Variants in ID4 observed in about 807,000 individuals in gnomAD.
ID4 encodes DNA-binding protein inhibitor ID-4.
ID4 carries 9 observed loss-of-function variants against 8.6 expected under a neutral mutation model. The observed-to-expected ratio is 1.04, with a 90% CI of 0.63 to 1.82. ID4 has a LOEUF of 1.82. ID4 is among the 40% of genes most tolerant of loss of function. ID4 has a pLI of 0.00. For missense variants in ID4, 270 were observed against 235.1 expected (o/e 1.15, Z -0.97); for synonymous variants, 180 against 118.0 (o/e 1.53, Z -3.41).
At chr6:19,838,535 G>C (rs757719263) in intron 1 of ID4, 49 bp from the exon 2 acceptor site, 1 of 1,613,042 alleles carries the variant, frequency 6.2e-7, no homozygotes, top group African/African-American at 1.3e-5. Flanking sequence ...TGTCGAGCGC[G>C]TTGTTTGCGC....
Position 19,837,866 on chromosome 6 carries a change from T to G in ID4, c.112T>G (p.Ser38Ala). The G allele has an allele frequency of 7.9e-7, 1 of 1,266,758 alleles. No individual in the cohort carries two copies. Among genetic ancestry groups the G allele is most frequent in the East Asian group, 3.5e-5 (1 of 28,320 alleles). 78.5% of individuals were successfully genotyped at this position (1,266,758 alleles called of 1,614,324 possible). A position where few individuals can be genotyped will look rare whatever the true frequency, so the allele number is the denominator to read the frequency against. ...LAEHGHSLGG[S>A]AAAAAAAAAA... is the part of the protein sequence containing the mutation. Reference sequence around the variant, plus strand: ...CGAGCACGGCCACAGCCTGGGTGGCTCCGCAGCCGCGGCGGCGGCGGCGGC... The same window carrying G: ...CGAGCACGGCCACAGCCTGGGTGGCGCCGCAGCCGCGGCGGCGGCGGCGGC... Residue 38 changes from serine (S) to alanine (A), a missense_variant, in exon 1 of 3, where the codon TCC becomes GCC. Around this residue, in one of 3 missense-constraint regions of ID4, gnomAD observed 160 missense variants for 131.5 expected, o/e 1.22. Transcript: ENST00000378700.
intron 1 of ID4, 132 bp downstream of exon 1, chr6:19,838,327 C>T (rs976776257): frequency 8.5e-5 from 88 of 1,031,406 alleles, no homozygotes; most frequent in East Asian, 1.7e-4. Flanking sequence ...TCCCCCTGCT[C>T]CTCCGGGCTC....
At position 19,840,470 on chromosome 6, in the gene ID4, GAAAA is replaced by G. The variant is rs140771147; in HGVS notation, c.*1280_*1283del. 6.6e-6 allele frequency: 1 copy of G among 151,902 alleles called. No individual in the cohort carries two copies. Among genetic ancestry groups the G allele is most frequent in the Non-Finnish European group, 1.5e-5 (1 of 67,848 alleles). The allele number at this position is 151,902 out of a possible 1,614,324, so 9.4% of individuals were successfully genotyped here. A position where few individuals can be genotyped will look rare whatever the true frequency, so the allele number is the denominator to read the frequency against. ...AAAGAATTAATAGGCAACAGTGGGA[GAAAA>G]AAAAGGCATAATGGCAAATCCTTCA... On this transcript the variant is annotated 3_prime_UTR_variant, in exon 3 of 3. Coordinates refer to ENST00000378700, the MANE Select transcript of ID4 (RefSeq NM_001546.4).
chr6:19,840,115 AC>A lies in ID4; in HGVS notation c.*922del, dbSNP rs1761327138. 1 of 152,616 alleles carries A rather than the reference AC, an allele frequency of 6.6e-6. No homozygotes were observed. Among genetic ancestry groups the A allele is most frequent in the Non-Finnish European group, 1.5e-5 (1 of 68,024 alleles). 9.5% of individuals were successfully genotyped at this position (152,616 alleles called of 1,614,324 possible). A position where few individuals can be genotyped will look rare whatever the true frequency, so the allele number is the denominator to read the frequency against. ...TTTGAAGCATACATGTTGAAAATAC[AC>A]CTTATCAGTTTTTAAGTACAGGGTT... On this transcript the variant is annotated 3_prime_UTR_variant, in exon 3 of 3. Transcript: ENST00000378700.
At position 19,837,629 on chromosome 6, in the gene ID4, G is replaced by A; in HGVS notation, c.-126G>A. ...CAATTGTTGGGCTCGGGAGTGTCGC[G>A]GTGCCCCGAGCGCGCCGGGCGCGGA... On this transcript the variant is annotated 5_prime_UTR_variant, in exon 1 of 3. Coordinates refer to ENST00000378700, the MANE Select transcript of ID4 (RefSeq NM_001546.4). The A allele has an allele frequency of 1.9e-6, 1 of 537,274 alleles. No homozygotes were observed. The highest frequency in any genetic ancestry group is 8.1e-4 in the Middle Eastern group (1 of 1,242). 33.3% of individuals were successfully genotyped at this position (537,274 alleles called of 1,614,324 possible). A position where few individuals can be genotyped will look rare whatever the true frequency, so the allele number is the denominator to read the frequency against.
chr6:19,837,573 T>C lies in ID4; in HGVS notation c.-182T>C, dbSNP rs1442897177. On this transcript the variant is annotated 5_prime_UTR_variant, in exon 1 of 3. Coordinates refer to ENST00000378700, the MANE Select transcript of ID4 (RefSeq NM_001546.4). ...TGAGTGTCGCCCACTGAGCAAAGATTCCCTCGTAAAACCCAGAGCGACCCT... is the reference window on the plus strand; with the variant it reads ...TGAGTGTCGCCCACTGAGCAAAGATCCCCTCGTAAAACCCAGAGCGACCCT... 7.3e-6 allele frequency: 2 copies of C among 272,360 alleles called. No individual in the cohort carries two copies. The highest frequency in any genetic ancestry group is 1.2e-5 in the Non-Finnish European group (2 of 161,892). The allele number at this position is 272,360 out of a possible 1,614,324, so 16.9% of individuals were successfully genotyped here.
rs1198858975 is a variant in ID4 at position 19,840,801 on chromosome 6, A to C, written c.*1606A>C. ...TTAGATAGGACTATCAGGGTTTGTGAACATTATGCATTTAATGTTATGGGT... is the reference window on the plus strand; with the variant it reads ...TTAGATAGGACTATCAGGGTTTGTGCACATTATGCATTTAATGTTATGGGT... On this transcript the variant is annotated 3_prime_UTR_variant, in exon 3 of 3. Transcript: ENST00000378700. 4 of 152,136 alleles carry C rather than the reference A, an allele frequency of 2.6e-5. No individual in the cohort carries two copies. Among genetic ancestry groups the C allele is most frequent in the African/African-American group, 9.7e-5 (4 of 41,448 alleles). The allele number at this position is 152,136 out of a possible 1,614,324, so 9.4% of individuals were successfully genotyped here.
chr6:19,838,350 A>G (rs1398023922), intron 1 of ID4, among the ~76,000 whole-genome samples, 155 bp downstream of exon 1: 1 of 151,984 alleles, frequency 6.6e-6, no homozygotes, highest in Non-Finnish European at 1.5e-5. Context: ...CCGGGCCGCC[A>G]GCAGCCGGCC....
At chr6:19,838,358 G>A (rs1465336082) in intron 1 of ID4, among the ~76,000 whole-genome samples, 163 bp downstream of exon 1, 1 of 152,188 alleles carries the variant, frequency 6.6e-6, no homozygotes, top group African/African-American at 2.4e-5. Context: ...CCAGCAGCCG[G>A]CCGGGCTCGG....
At chr6:19,838,253 G>A in intron 1 of ID4, 58 bp downstream of exon 1, 1 of 1,296,120 alleles carries the variant, frequency 7.7e-7, no homozygotes, top group Non-Finnish European at 9.8e-7. Flanking sequence ...GGTTGGTGGC[G>A]TGGTGGCGGG....
intron 1 of ID4, among the ~76,000 whole-genome samples, 174 bp downstream of exon 1, chr6:19,838,369 C>T (rs1046098090): frequency 6.6e-6 from 1 of 152,088 alleles, no homozygotes; most frequent in Non-Finnish European, 1.5e-5. Flanking sequence ...CCGGGCTCGG[C>T]GAGCGCGGGT....
At position 19,838,615 on chromosome 6, in the gene ID4, T is replaced by C. The variant is rs1761284092; in HGVS notation, c.473T>C (p.Ile158Thr). The change falls in exon 2 of 3, where the codon ATT becomes ACT. Residue 158 changes from isoleucine to threonine, a missense_variant. This residue lies in a region of ID4 where 107 missense variants were observed against 81.0 expected (regional missense o/e 1.32). Coordinates refer to ENST00000378700, the MANE Select transcript of ID4 (RefSeq NM_001546.4). ...GCGGTGAACAAGCAGGGCGACAGCA[T>C]TCTGTGCCGCTGAGCCGCGCTGTCC... ...AGAVNKQGDS[I>T]LCR 1 of 1,613,922 alleles carries C rather than the reference T, an allele frequency of 6.2e-7. No homozygotes were observed. The highest frequency in any genetic ancestry group is 8.5e-7 in the Non-Finnish European group (1 of 1,179,894).
intron 2 of ID4, 30 bp downstream of exon 2, chr6:19,838,672 C>G (rs368933499): frequency 2.7e-5 from 44 of 1,602,434 alleles, no homozygotes; most frequent in East Asian, 6.8e-5. Flanking sequence ...CTCGGGTGGC[C>G]GGTCACCAGA....
rs1761333327 is a variant in ID4 at position 19,840,308 on chromosome 6, A to C, written c.*1113A>C. The C allele has an allele frequency of 6.6e-6, 1 of 152,570 alleles. No homozygotes were observed. Among genetic ancestry groups the C allele is most frequent in the Admixed American group, 6.5e-5 (1 of 15,268 alleles). The allele number at this position is 152,570 out of a possible 1,614,324, so 9.5% of individuals were successfully genotyped here. A position where few individuals can be genotyped will look rare whatever the true frequency, so the allele number is the denominator to read the frequency against. ...GAAAAAAAATTGCTTATTACTCTTC[A>C]TTTTACACTAAAGCTTAATGTCACT... is the stretch of plus-strand genomic sequence containing the variant. On this transcript the variant is annotated 3_prime_UTR_variant, in exon 3 of 3. Transcript: ENST00000378700.
Position 19,841,191 on chromosome 6 carries a change from ATT to A in ID4, c.*1999_*2000del, listed in dbSNP as rs1275123266. Among the ~76,000 whole-genome samples, 1 of 152,148 alleles carries A rather than the reference ATT, an allele frequency of 6.6e-6. No homozygotes were observed. Among genetic ancestry groups the A allele is most frequent in the African/African-American group, 2.4e-5 (1 of 41,448 alleles). On this transcript the variant is annotated 3_prime_UTR_variant, in exon 3 of 3. Coordinates refer to ENST00000378700, the MANE Select transcript of ID4 (RefSeq NM_001546.4). ...CTCTGATAATTTACTGGTCTTGAGT[ATT>A]TTGAGAATTTGATGTTGAACGTTAT...
chr6:19,837,933 C>G lies in ID4; in HGVS notation c.179C>G (p.Pro60Arg), dbSNP rs1291920733. ...GCGGCCGAGGCGGCGGCCGACGAGC[C>G]GGCGCTGTGCCTGCAGTGCGATATG... ...CKAAEAAADEPALCLQCDMND... is the reference protein window; with the variant it reads ...CKAAEAAADERALCLQCDMND... Residue 60 changes from proline to arginine, a missense_variant, in exon 1 of 3, where the codon CCG becomes CGG. By Grantham distance (103) the Pro-to-Arg change is moderately radical. Around this residue, in one of 3 missense-constraint regions of ID4, gnomAD observed 160 missense variants for 131.5 expected, o/e 1.22. Transcript: ENST00000378700. 4 of 1,477,618 alleles carry G rather than the reference C, an allele frequency of 2.7e-6. No individual in the cohort carries two copies. Among genetic ancestry groups the G allele is most frequent in the Non-Finnish European group, 1.8e-6 (2 of 1,109,602 alleles). The allele number at this position is 1,477,618 out of a possible 1,614,324, so 91.5% of individuals were successfully genotyped here. A position where few individuals can be genotyped will look rare whatever the true frequency, so the allele number is the denominator to read the frequency against.
Position 19,839,785 on chromosome 6 carries a change from GTAAT to G in ID4, c.*593_*596del, listed in dbSNP as rs748599180. On this transcript the variant is annotated 3_prime_UTR_variant, in exon 3 of 3. Coordinates refer to ENST00000378700, the MANE Select transcript of ID4 (RefSeq NM_001546.4). Reference sequence around the variant, plus strand: ...GAAAGTATATGCTTTAATAGATACTGTAATTATAAGATATTTTTAATTAAATATT... The same window carrying G: ...GAAAGTATATGCTTTAATAGATACTGTATAAGATATTTTTAATTAAATATT... 3 of 152,222 alleles carry G rather than the reference GTAAT, an allele frequency of 2.0e-5. No homozygotes were observed. The highest frequency in any genetic ancestry group is 2.9e-5 in the Non-Finnish European group (2 of 67,988). 9.4% of individuals were successfully genotyped at this position (152,222 alleles called of 1,614,324 possible).
At position 19,837,899 on chromosome 6, in the gene ID4, C is replaced by A; in HGVS notation, c.145C>A (p.Arg49Ser). Reference sequence around the variant, plus strand: ...CGCGGCGGCGGCGGCGGCGGCAGCGCGCTGTAAGGCGGCCGAGGCGGCGGC... The same window carrying A: ...CGCGGCGGCGGCGGCGGCGGCAGCGAGCTGTAAGGCGGCCGAGGCGGCGGC... ...AAAAAAAAAA[R>S]CKAAEAAADE... The change falls in exon 1 of 3, where the codon CGC (arginine) becomes AGC (serine). Residue 49 changes from arginine to serine, a missense_variant. Physicochemically the swap from Arg to Ser is moderately radical, Grantham distance 110. This residue lies in a region of ID4 where 160 missense variants were observed against 131.5 expected (regional missense o/e 1.22). Coordinates refer to ENST00000378700, the MANE Select transcript of ID4 (RefSeq NM_001546.4). 1.5e-6 allele frequency: 2 copies of A among 1,357,562 alleles called. No homozygotes were observed. Among genetic ancestry groups the A allele is most frequent in the Non-Finnish European group, 1.9e-6 (2 of 1,051,818 alleles). 84.1% of individuals were successfully genotyped at this position (1,357,562 alleles called of 1,614,324 possible). A position where few individuals can be genotyped will look rare whatever the true frequency, so the allele number is the denominator to read the frequency against.
Position 19,837,641 on chromosome 6 carries a change from G to A in ID4, c.-114G>A, listed in dbSNP as rs1761245408. On this transcript the variant is annotated 5_prime_UTR_variant, in exon 1 of 3. Coordinates refer to ENST00000378700, the MANE Select transcript of ID4 (RefSeq NM_001546.4). ...TCGGGAGTGTCGCGGTGCCCCGAGC[G>A]CGCCGGGCGCGGAGGCAAAGGGAGC... 14 of 679,108 alleles carry A rather than the reference G, an allele frequency of 2.1e-5. No homozygotes were observed. The highest frequency in any genetic ancestry group is 2.6e-5 in the Non-Finnish European group (14 of 534,540). 42.1% of individuals were successfully genotyped at this position (679,108 alleles called of 1,614,324 possible).
Sources: gnomAD v4.1 joint callset for allele counts (sites outside exome capture counted in the v4.1 genomes callset) on GRCh38, gnomAD v4.1.1 for gene constraint, gnomAD v4.1.1 regional missense constraint, MANE v1.5 for transcripts, NCBI Gene and HGNC (gene_info 2026-07-23, HGNC 2026-07-21) for gene names.